GALK2: variants seen among roughly 807,000 people sequenced by gnomAD.
The protein encoded by GALK2 is N-acetylgalactosamine kinase.
A neutral mutation model predicts 52.4 loss-of-function variants in GALK2; 36 were observed. The ratio of observed to expected loss-of-function variants is 0.69; its 90% CI spans 0.53 to 0.91. GALK2 has a LOEUF of 0.91. GALK2 is among the 40% of genes least tolerant of loss of function. GALK2 has a pLI of 0.00. For synonymous variants in GALK2, 176 were observed against 199.1 expected, an observed-to-expected ratio of 0.88 and a Z score of 0.98; for missense variants, 579 against 559.1, an observed-to-expected ratio of 1.04 and a Z score of -0.36.
chr15:49,333,323 A>G (rs2039136880), downstream of GALK2, among the ~76,000 whole-genome samples: 1 of 152,192 alleles, frequency 6.6e-6, no homozygotes, highest in African/African-American at 2.4e-5. Context: ...AAGCTCATAC[A>G]TTGTGCCTAT....
At chr15:49,287,920 T>C (rs2033540347) in intron 7 of GALK2, among the ~76,000 whole-genome samples, 2 of 150,628 alleles carry the variant, frequency 1.3e-5, no homozygotes, top group Admixed American at 6.7e-5. Context: ...TCTTCTATTC[T>C]CAACTTCTTT....
intron 1 of GALK2, among the ~76,000 whole-genome samples, chr15:49,190,749 C>G (rs115962563): frequency 0.022 from 3,387 of 152,276 alleles, 102 homozygotes; most frequent in South Asian, 0.077. Context: ...TTCAACCAGT[C>G]ATACACTCCT....
chr15:49,251,026 C>T (rs556200489), intron 5 of GALK2, among the ~76,000 whole-genome samples: 3 of 151,970 alleles, frequency 2.0e-5, no homozygotes, highest in Admixed American at 6.6e-5. Context: ...CCAAAGAATA[C>T]GAAAACAAAG....
intron 8 of GALK2, among the ~76,000 whole-genome samples, chr15:49,305,668 A>G (rs1044578713): frequency 2.3e-4 from 35 of 152,218 alleles, no homozygotes; most frequent in East Asian, 1.9e-4. Flanking sequence ...AGCAAGATAC[A>G]TGCTTCATTT....
intron 1 of GALK2, chr15:49,195,039 A>G (rs556793235): frequency 5.6e-5 from 25 of 447,784 alleles, no homozygotes; most frequent in Non-Finnish European, 9.8e-5. Context: ...CATCTTATCC[A>G]AAACAGGGAT....
In GALK2 at chr15:49,170,384, G is replaced by A; in HGVS notation, c.53+9G>A. The A allele has an allele frequency of 4.4e-6, 7 of 1,585,604 alleles. No homozygotes were observed. The highest frequency in any genetic ancestry group is 1.2e-5 in the South Asian group (1 of 86,498). On this transcript the variant is annotated intron_variant, in intron 1 of 9. Transcript: ENST00000560031. ...GTGGCAGAACATCCTAGGTGGGGGAGAGGAGACGCCGGGCTTTGGGATCTG... is the reference window on the plus strand; with the variant it reads ...GTGGCAGAACATCCTAGGTGGGGGAAAGGAGACGCCGGGCTTTGGGATCTG...
rs8035266 is a variant in GALK2, at chr15:49,354,710, G to C, written c.427-12781G>C. 5.3e-5 allele frequency among the ~76,000 whole-genome samples: 8 copies of C among 152,128 alleles called. 1 individual carries two copies. The South Asian group carries it at 1.2e-3, about 24-fold the overall frequency. On this transcript the variant is annotated intron_variant, in intron 3 of 3. Coordinates refer to the GALK2 transcript ENST00000558399. Reference sequence around the variant, plus strand: ...GCTTGATTAGGTAAACAAAACAGTCGGGAAGCTCGAACTGGGTGGAGCCCA... The same window carrying C: ...GCTTGATTAGGTAAACAAAACAGTCCGGAAGCTCGAACTGGGTGGAGCCCA...
chr15:49,237,212 T>G (rs1024933319), intron 4 of GALK2, among the ~76,000 whole-genome samples: 2 of 152,364 alleles, frequency 1.3e-5, no homozygotes, highest in African/African-American at 4.8e-5. Flanking sequence ...CTGTTTGGTT[T>G]GACAATTTAT....
chr15:49,357,772 G>A (rs1225096255), intron 3 of GALK2, among the ~76,000 whole-genome samples: 4 of 152,168 alleles, frequency 2.6e-5, no homozygotes, highest in African/African-American at 9.6e-5. Flanking sequence ...AAGCCAAGCA[G>A]AGACACAACA....
At chr15:49,292,118 C>T (rs898963124) in intron 7 of GALK2, among the ~76,000 whole-genome samples, 11 of 151,796 alleles carry the variant, frequency 7.2e-5, no homozygotes, top group Admixed American at 6.6e-4. Flanking sequence ...GGACAAATAC[C>T]TACCTAGTCT....
At chr15:49,263,927 G>A (rs1053235286) in intron 5 of GALK2, among the ~76,000 whole-genome samples, 43 of 152,032 alleles carry the variant, frequency 2.8e-4, no homozygotes, top group Middle Eastern at 3.4e-3. Context: ...TAGGGTTTCT[G>A]CCAAGAGATC....
In GALK2 at chr15:49,301,072, A is replaced by C. The variant is rs568621699; in HGVS notation, c.967+8535A>C. 5.3e-5 allele frequency among the ~76,000 whole-genome samples: 8 copies of C among 152,286 alleles called. No homozygotes were observed. In the East Asian group the frequency reaches 1.5e-3, roughly 29 times the overall value. On this transcript the variant is annotated intron_variant, in intron 8 of 9. Coordinates refer to ENST00000560031, the MANE Select transcript of GALK2 (RefSeq NM_002044.4). Reference sequence around the variant, plus strand: ...GGATTTTATTTCCTCTTCACTTACAAAACTTGTTTGTCTGGATATGAAACT... The same window carrying C: ...GGATTTTATTTCCTCTTCACTTACACAACTTGTTTGTCTGGATATGAAACT...
At chr15:49,324,822 A>G (rs2037202056) in intron 9 of GALK2, among the ~76,000 whole-genome samples, 1 of 152,186 alleles carries the variant, frequency 6.6e-6, no homozygotes, top group Non-Finnish European at 1.5e-5. Context: ...GCCATTTATT[A>G]GAACCTAGAA....
In GALK2 at chr15:49,170,247, A is replaced by G. The variant is rs779463005; in HGVS notation, c.-76A>G. ...CTCCCGGAAGAAAACGGCTCCTGTCACAGAAGTCTCGTGATTGCTCTGGGA... is the reference window on the plus strand; with the variant it reads ...CTCCCGGAAGAAAACGGCTCCTGTCGCAGAAGTCTCGTGATTGCTCTGGGA... On this transcript the variant is annotated 5_prime_UTR_variant, in exon 1 of 10. Transcript: ENST00000560031. 33 of 1,543,332 alleles carry G rather than the reference A, an allele frequency of 2.1e-5. No homozygotes were observed. Among genetic ancestry groups the G allele is most frequent in the Non-Finnish European group, 2.7e-5 (31 of 1,141,762 alleles).
chr15:49,205,976 T>A (rs368263966), intron 2 of GALK2, among the ~76,000 whole-genome samples: 1 of 152,188 alleles, frequency 6.6e-6, no homozygotes, highest in Non-Finnish European at 1.5e-5. Flanking sequence ...CCGCACAATT[T>A]GTTGAAAAGG....
intron 8 of GALK2, among the ~76,000 whole-genome samples, chr15:49,300,348 CTCT>C (rs1433957687): frequency 6.6e-6 from 1 of 151,996 alleles, no homozygotes; most frequent in African/African-American, 2.4e-5. Flanking sequence ...TGAGATGAGT[CTCT>C]TCAAGACAGC....
chr15:49,349,582 G>A (rs1001078717), intron 3 of GALK2, among the ~76,000 whole-genome samples: 1 of 152,124 alleles, frequency 6.6e-6, no homozygotes, highest in Non-Finnish European at 1.5e-5. Context: ...ATCCCTGGGA[G>A]TCAAGTAGGG....
chr15:49,213,435 T>A (rs1203737358), intron 2 of GALK2, among the ~76,000 whole-genome samples: 1 of 152,218 alleles, frequency 6.6e-6, no homozygotes, highest in African/African-American at 2.4e-5. Context: ...GGTGGTTTGC[T>A]GCACCTGTCA....
Position 49,329,057 on chromosome 15 carries a change from C to G in GALK2, c.*898C>G, listed in dbSNP as rs1305728061. ...CTTTTTCTCAAATACCTCTCTAATC[C>G]AAGAGGCACTTCCAAGAAATTCCAC... On this transcript the variant is annotated 3_prime_UTR_variant, in exon 10 of 10. Transcript: ENST00000560031. 2 of 998,222 alleles carry G rather than the reference C, an allele frequency of 2.0e-6. No homozygotes were observed. Among genetic ancestry groups the G allele is most frequent in the East Asian group, 2.0e-4 (2 of 9,782 alleles). The allele number at this position is 998,222 out of a possible 1,614,324, so 61.8% of individuals were successfully genotyped here.
Sources: allele counts gnomAD v4.1 joint callset (sites outside exome capture counted in the v4.1 genomes callset), GRCh38; gene constraint gnomAD v4.1.1; transcripts MANE v1.5; gene names NCBI Gene and HGNC (gene_info 2026-07-23, HGNC 2026-07-21).